Variants in RORA observed in about 807,000 individuals in gnomAD.
The protein encoded by RORA is nuclear receptor ROR-alpha.
In RORA, 7 loss-of-function variants were observed where a neutral mutation model predicts 69.5. That is an observed-to-expected ratio of 0.10 (90% CI 0.06 to 0.19). RORA has a LOEUF of 0.19. Among genes scored for constraint, RORA ranks in the 10% least tolerant of loss-of-function variants. The probability of loss-of-function intolerance (pLI) is 1.00; values close to 1 mark genes in which losing one functional copy is unlikely to be tolerated. For missense variants in RORA, 457 were observed against 663.0 expected (o/e 0.69, Z 3.41); for synonymous variants, 261 against 240.8 (o/e 1.08, Z -0.78).
At chr15:60,697,548 A>ATTTCC (rs2070922757) in intron 1 of RORA, among the ~76,000 whole-genome samples, 1 of 150,928 alleles carries the variant, frequency 6.6e-6, no homozygotes, top group African/African-American at 2.4e-5. Context: ...TACATTTGCT[A>ATTTCC]TTTCCTTCAA....
intron 1 of RORA, among the ~76,000 whole-genome samples, chr15:61,188,607 T>G (rs2079767297): frequency 6.6e-6 from 1 of 151,078 alleles, no homozygotes; most frequent in Non-Finnish European, 1.5e-5. Flanking sequence ...ATTGTCTGAG[T>G]AACAACTAGG....
At chr15:60,907,324 T>C (rs932595261) in intron 1 of RORA, among the ~76,000 whole-genome samples, 1 of 152,152 alleles carries the variant, frequency 6.6e-6, no homozygotes, top group Non-Finnish European at 1.5e-5. Flanking sequence ...ATGTCTCTCA[T>C]GTCCTGGTGG....
intron 1 of RORA, among the ~76,000 whole-genome samples, chr15:61,197,050 G>T (rs1885561150): frequency 6.6e-6 from 1 of 152,190 alleles, no homozygotes; most frequent in Non-Finnish European, 1.5e-5. Context: ...GGACCACAGG[G>T]GAAAGCCGAT....
intron 1 of RORA, among the ~76,000 whole-genome samples, chr15:60,941,948 C>A (rs1168930927): frequency 1.3e-5 from 2 of 152,222 alleles, no homozygotes; most frequent in Non-Finnish European, 2.9e-5. Context: ...TTGATCTTTG[C>A]ATTACCCACC....
chr15:60,946,588 G>A (rs899264954), intron 1 of RORA, among the ~76,000 whole-genome samples: 10 of 152,222 alleles, frequency 6.6e-5, no homozygotes, highest in Admixed American at 5.9e-4. Flanking sequence ...TGCCCAGGCT[G>A]GAGTGCAGTG....
chr15:61,113,366 T>A lies in RORA; in HGVS notation c.166+115687A>T, dbSNP rs555486820. The stretch of plus-strand genomic sequence containing the variant: ...GCCAAGACATAGATGGAGGCCCTGA[T>A]TCCCAGGCTTAGGACCTGAACTTTG... On this transcript the variant is annotated intron_variant, in intron 1 of 10. Coordinates refer to ENST00000335670, the MANE Select transcript of RORA (RefSeq NM_134261.3). Among the ~76,000 whole-genome samples the A allele has an allele frequency of 9.2e-5, 14 of 152,270 alleles. No individual in the cohort carries two copies. In the East Asian group the frequency reaches 1.7e-3, roughly 19 times the overall value.
At chr15:60,613,751 A>G (rs2069155605) in intron 2 of RORA, among the ~76,000 whole-genome samples, 1 of 148,522 alleles carries the variant, frequency 6.7e-6, no homozygotes, top group East Asian at 2.0e-4. Context: ...TTAGGATTAC[A>G]GCCACAAAGT....
Position 61,128,069 on chromosome 15 carries a change from A to G in RORA, c.166+100984T>C, listed in dbSNP as rs932688772. Among the ~76,000 whole-genome samples, 2 of 152,196 alleles carry G rather than the reference A, an allele frequency of 1.3e-5. No individual in the cohort carries two copies. Among genetic ancestry groups the G allele is most frequent in the Non-Finnish European group, 2.9e-5 (2 of 68,022 alleles). ...TCTGGAGGAAAAAAACAAGGGAAGG[A>G]GAAAGGGAGGGAAAATGCTTTTGGT... On this transcript the variant is annotated intron_variant, in intron 1 of 10. Coordinates refer to ENST00000335670, the MANE Select transcript of RORA (RefSeq NM_134261.3). This position sits in a 1 kb window ranked among gnomAD's most constrained non-coding sequence, Gnocchi z 4.5.
intron 1 of RORA, among the ~76,000 whole-genome samples, chr15:61,053,284 A>G (rs2078040148): frequency 1.3e-5 from 2 of 152,036 alleles, no homozygotes; most frequent in Admixed American, 1.3e-4. Context: ...TGAACACAAA[A>G]ATCAGGCTTT....
intron 1 of RORA, among the ~76,000 whole-genome samples, chr15:60,713,816 T>C (rs1361910128): frequency 6.6e-6 from 1 of 152,170 alleles, no homozygotes; most frequent in Non-Finnish European, 1.5e-5. Context: ...TAAACTACTA[T>C]CATCATTTTA....
chr15:60,505,728 G>A (rs180845465), intron 5 of RORA, 99 bp from the exon 6 acceptor site: 1 of 1,379,528 alleles, frequency 7.2e-7, no homozygotes, highest in East Asian at 2.4e-5. Context: ...AGAAAACAAT[G>A]TGCTGTGCGA....
At chr15:60,544,257 C>T (rs919763992) in intron 2 of RORA, among the ~76,000 whole-genome samples, 2 of 152,180 alleles carry the variant, frequency 1.3e-5, no homozygotes, top group Admixed American at 1.3e-4. Flanking sequence ...TCTCATTTCC[C>T]CAACAGGGAC....
At chr15:61,220,779 T>C (rs1332866714) in intron 1 of RORA, among the ~76,000 whole-genome samples, 1 of 152,232 alleles carries the variant, frequency 6.6e-6, no homozygotes, top group Non-Finnish European at 1.5e-5. Context: ...TCTCAAAGTG[T>C]CAACTTTTCC....
intron 1 of RORA, among the ~76,000 whole-genome samples, chr15:61,151,606 C>A (rs779131703): frequency 6.6e-6 from 1 of 152,150 alleles, no homozygotes; most frequent in Non-Finnish European, 1.5e-5. Flanking sequence ...TGTTAAATCC[C>A]ACAGGATAAG....
intron 2 of RORA, among the ~76,000 whole-genome samples, chr15:60,547,213 GTCAAAGT>G: frequency 6.6e-6 from 1 of 152,148 alleles, no homozygotes; most frequent in Admixed American, 6.5e-5. Context: ...AGGATTGAGC[GTCAAAGT>G]TCTTATGTTG....
At chr15:61,132,920 A>G (rs1173187293) in intron 1 of RORA, among the ~76,000 whole-genome samples, 1 of 152,206 alleles carries the variant, frequency 6.6e-6, no homozygotes, top group East Asian at 1.9e-4. Flanking sequence ...CCGGCTATAT[A>G]TCTCTTTGTA....
chr15:60,837,106 A>G (rs2073127516), intron 1 of RORA, among the ~76,000 whole-genome samples: 1 of 150,688 alleles, frequency 6.6e-6, no homozygotes, highest in African/African-American at 2.4e-5. Flanking sequence ...TCCTGGGCTC[A>G]AGAGATCCTC....
At chr15:61,001,053 A>G (rs1239776940) in intron 1 of RORA, among the ~76,000 whole-genome samples, 1 of 152,148 alleles carries the variant, frequency 6.6e-6, no homozygotes, top group African/African-American at 2.4e-5. Context: ...TTCTGAGGAC[A>G]CTCCATTTTA....
chr15:60,627,744 ACT>A (rs2069630531), intron 2 of RORA, among the ~76,000 whole-genome samples: 1 of 151,766 alleles, frequency 6.6e-6, no homozygotes, highest in African/African-American at 2.4e-5. Context: ...CATTCTTCAA[ACT>A]CTTATTAATC....
Sources: gnomAD v4.1 joint callset for allele counts (sites outside exome capture counted in the v4.1 genomes callset) on GRCh38, gnomAD v4.1.1 for gene constraint, Gnocchi (gnomAD v3.1) non-coding constraint, MANE v1.5 for transcripts, NCBI Gene and HGNC (gene_info 2026-07-23, HGNC 2026-07-21) for gene names.